The following AKAIN1 variants were observed in gnomAD, a reference collection of about 807,000 sequenced individuals.
The protein encoded by AKAIN1 is A-kinase anchor protein inhibitor 1.
Under a neutral mutation model 3.7 loss-of-function variants are expected in AKAIN1, and 3 were observed. The observed-to-expected ratio is 0.82, with a 90% CI of 0.37 to 2.12. The LOEUF is 2.12. Among genes scored for constraint, AKAIN1 ranks in the 30% most tolerant of loss-of-function variants. AKAIN1 has a pLI of 0.06. For missense variants in AKAIN1, 82 were observed against 82.7 expected, an observed-to-expected ratio of 0.99 and a Z score of 0.03; for synonymous variants, 31 against 30.8, an observed-to-expected ratio of 1.01 and a Z score of -0.02.
intron 1 of AKAIN1, 40 bp downstream of exon 1, chr18:5,196,998 C>T (rs774674269): frequency 5.3e-6 from 8 of 1,515,266 alleles, no homozygotes; most frequent in Admixed American, 2.0e-5. Context: ...TACCCTGCTC[C>T]CCTCCTAGAC....
At chr18:5,191,951 T>C (rs2071321060) in intron 1 of AKAIN1, among the ~76,000 whole-genome samples, 1 of 152,216 alleles carries the variant, frequency 6.6e-6, no homozygotes, top group Admixed American at 6.5e-5. Context: ...ATATACATCT[T>C]ATACGCACAG....
At chr18:5,189,249 T>G (rs565439708) in intron 1 of AKAIN1, among the ~76,000 whole-genome samples, 2 of 152,282 alleles carry the variant, frequency 1.3e-5, no homozygotes, top group East Asian at 3.9e-4. Flanking sequence ...CTAGAAGATC[T>G]TCGAAATGCC....
intron 1 of AKAIN1, 47 bp downstream of exon 1, chr18:5,196,991 C>A (rs922103699): frequency 6.7e-7 from 1 of 1,496,734 alleles, no homozygotes; most frequent in African/African-American, 1.4e-5. Context: ...CGTCCTCTAC[C>A]CTGCTCCCCT....
rs781638479 is a variant in AKAIN1, at chr18:5,143,092, G to A, written c.*2470C>T. Among the ~76,000 whole-genome samples the A allele has an allele frequency of 5.3e-5, 8 of 152,146 alleles. No individual in the cohort carries two copies. The highest frequency in any genetic ancestry group is 1.0e-4 in the Non-Finnish European group (7 of 68,024). On this transcript the variant is annotated 3_prime_UTR_variant, in exon 2 of 2. Coordinates refer to ENST00000434239, the MANE Select transcript of AKAIN1 (RefSeq NM_001145194.2). ...GAAAGATAAAGGACACTAAGTAAATGTTCCCACTCATTTCTGAAACTAAAA... is the reference window on the plus strand; with the variant it reads ...GAAAGATAAAGGACACTAAGTAAATATTCCCACTCATTTCTGAAACTAAAA...
At chr18:5,182,939 C>A (rs559316107) in intron 1 of AKAIN1, among the ~76,000 whole-genome samples, 6 of 152,116 alleles carry the variant, frequency 3.9e-5, no homozygotes, top group African/African-American at 1.4e-4. Flanking sequence ...GCTGGACATA[C>A]GGAAGATTCT....
At position 5,144,087 on chromosome 18, in the gene AKAIN1, C is replaced by T. The variant is rs569766504; in HGVS notation, c.*1475G>A. On this transcript the variant is annotated 3_prime_UTR_variant, in exon 2 of 2. Transcript: ENST00000434239. ...GTAAACAATCTTTAAATTTTAAGCC[C>T]TTCTGCTTCCTTCTCCTTCCATGTT... 2.6e-5 allele frequency among the ~76,000 whole-genome samples: 4 copies of T among 152,248 alleles called. No individual in the cohort carries two copies. Among genetic ancestry groups the T allele is most frequent in the African/African-American group, 9.6e-5 (4 of 41,546 alleles).
At chr18:5,196,199 TA>T (rs1397510679) in intron 1 of AKAIN1, among the ~76,000 whole-genome samples, 2 of 152,144 alleles carry the variant, frequency 1.3e-5, no homozygotes, top group Non-Finnish European at 2.9e-5. Flanking sequence ...AATCAGACCC[TA>T]AAATGCGTGA....
upstream of AKAIN1, chr18:5,197,409 A>C: frequency 8.0e-7 from 1 of 1,253,766 alleles, no homozygotes; most frequent in Non-Finnish European, 1.0e-6. The surrounding 1 kb of genome is among the most constrained non-coding windows in gnomAD (Gnocchi z 6.9). Flanking sequence ...AGAGAGAGAA[A>C]GGTAAACTTC....
At chr18:5,183,796 A>G (rs1001969103) in intron 1 of AKAIN1, among the ~76,000 whole-genome samples, 12 of 152,112 alleles carry the variant, frequency 7.9e-5, no homozygotes, top group Admixed American at 7.9e-4. Context: ...CAATTGAGCA[A>G]TAAATACACA....
intron 1 of AKAIN1, among the ~76,000 whole-genome samples, chr18:5,154,026 G>A (rs1035109445): frequency 1.3e-5 from 2 of 152,190 alleles, no homozygotes; most frequent in Non-Finnish European, 2.9e-5. Context: ...GTGTCTGGGA[G>A]ATCGAGACCA....
intron 1 of AKAIN1, among the ~76,000 whole-genome samples, chr18:5,170,398 T>C (rs887277816): frequency 6.6e-6 from 1 of 152,154 alleles, no homozygotes; most frequent in Non-Finnish European, 1.5e-5. Flanking sequence ...TTTGATATCA[T>C]GGCCCCAGTT....
intron 1 of AKAIN1, among the ~76,000 whole-genome samples, chr18:5,180,249 G>C (rs1280263262): frequency 1.3e-5 from 2 of 152,146 alleles, no homozygotes; most frequent in Non-Finnish European, 2.9e-5. Flanking sequence ...GCAAATATTT[G>C]TGAAATAAAT....
intron 1 of AKAIN1, among the ~76,000 whole-genome samples, chr18:5,187,647 G>A (rs950543748): frequency 9.2e-5 from 14 of 152,066 alleles, no homozygotes; most frequent in African/African-American, 3.1e-4. Flanking sequence ...TTAATTACCT[G>A]TTAAAGGTCC....
chr18:5,176,750 ACTT>A (rs2071229109), intron 1 of AKAIN1, among the ~76,000 whole-genome samples: 1 of 152,200 alleles, frequency 6.6e-6, no homozygotes, highest in African/African-American at 2.4e-5. Context: ...TTCTCAAGCA[ACTT>A]TAAGAAAAAA....
intron 1 of AKAIN1, chr18:5,163,850 A>T (rs868469117): frequency 9.2e-5 from 14 of 152,228 alleles, no homozygotes; most frequent in African/African-American, 3.4e-4. Context: ...CTGGCAAATA[A>T]TATTATCGAT....
chr18:5,190,116 A>G (rs1433023722), intron 1 of AKAIN1, among the ~76,000 whole-genome samples: 1 of 152,292 alleles, frequency 6.6e-6, no homozygotes. Context: ...AGAGAGAGTA[A>G]TGGGGCTGAA....
intron 1 of AKAIN1, among the ~76,000 whole-genome samples, chr18:5,192,428 T>TCTTTCTTTCTTTCTTC (rs1231618819): frequency 1.7e-5 from 2 of 119,298 alleles, no homozygotes; most frequent in African/African-American, 5.8e-5. Flanking sequence ...TTTCTTTCTT[T>TCTTTCTTTCTTTCTTC]CTTTCTTTCT....
chr18:5,145,790 A>G (rs1276509524), intron 1 of AKAIN1, 35 bp from the exon 2 acceptor site: 10 of 1,521,248 alleles, frequency 6.6e-6, no homozygotes, highest in Non-Finnish European at 7.1e-6. Context: ...GGAAAAGGAG[A>G]GAAATTAATT....
At position 5,144,139 on chromosome 18, in the gene AKAIN1, C is replaced by T. The variant is rs750732479; in HGVS notation, c.*1423G>A. The stretch of plus-strand genomic sequence containing the variant: ...CCTGTGAATTTATTCCACCTGTGCA[C>T]TGTGGGAGATAGCATAACAAAGCTG... On this transcript the variant is annotated 3_prime_UTR_variant, in exon 2 of 2. Transcript: ENST00000434239. Among the ~76,000 whole-genome samples, 1 of 152,104 alleles carries T rather than the reference C, an allele frequency of 6.6e-6. No homozygotes were observed. The highest frequency in any genetic ancestry group is 1.5e-5 in the Non-Finnish European group (1 of 68,030).
Sources: allele counts gnomAD v4.1 joint callset (sites outside exome capture counted in the v4.1 genomes callset), GRCh38; gene constraint gnomAD v4.1.1; non-coding constraint Gnocchi (gnomAD v3.1); transcripts MANE v1.5; gene names NCBI Gene and HGNC (gene_info 2026-07-23, HGNC 2026-07-21).